KCNB2: variants seen among roughly 807,000 people sequenced by gnomAD.
KCNB2 encodes the protein potassium voltage-gated channel subfamily B member 2.
KCNB2 carries 15 observed loss-of-function variants against 61.5 expected under a neutral mutation model. That is an observed-to-expected ratio of 0.24 (90% CI 0.16 to 0.38). The LOEUF is 0.38. Ranked by LOEUF, KCNB2 falls within the 10% of genes least tolerant of loss-of-function variation. KCNB2 has a pLI of 1.00. For synonymous variants in KCNB2, 457 were observed against 446.0 expected (o/e 1.02, Z -0.31); for missense variants, 828 against 1,125.2 (o/e 0.74, Z 3.78).
chr8:72,792,811 T>C (rs1269467459), intron 2 of KCNB2, among the ~76,000 whole-genome samples: 2 of 152,236 alleles, frequency 1.3e-5, no homozygotes, highest in African/African-American at 4.8e-5. Context: ...TATCTTACCT[T>C]GATCTTTTAT....
intron 2 of KCNB2, among the ~76,000 whole-genome samples, chr8:72,677,862 T>TAGGAAA (rs1806687046): frequency 6.6e-6 from 1 of 152,188 alleles, no homozygotes; most frequent in African/African-American, 2.4e-5. Flanking sequence ...TGAATCTACA[T>TAGGAAA]TCATTCTTAA....
At chr8:72,775,404 G>C (rs796988604) in intron 2 of KCNB2, among the ~76,000 whole-genome samples, 7 of 152,334 alleles carry the variant, frequency 4.6e-5, no homozygotes, top group African/African-American at 1.7e-4. Flanking sequence ...AGCCCTGTTA[G>C]AACATCGCAG....
chr8:72,874,077 T>C (rs934914581), intron 2 of KCNB2, among the ~76,000 whole-genome samples: 1 of 152,270 alleles, frequency 6.6e-6, no homozygotes, highest in African/African-American at 2.4e-5. Flanking sequence ...ACTTACATTC[T>C]CCTGCTAGTT....
chr8:72,696,663 AG>A (rs1310550637), intron 2 of KCNB2, among the ~76,000 whole-genome samples: 1 of 152,170 alleles, frequency 6.6e-6, no homozygotes, highest in African/African-American at 2.4e-5. Flanking sequence ...AAGGATCTTC[AG>A]AAACAGCCCC....
At chr8:72,814,655 A>G (rs1809361976) in intron 2 of KCNB2, among the ~76,000 whole-genome samples, 1 of 152,226 alleles carries the variant, frequency 6.6e-6, no homozygotes, top group African/African-American at 2.4e-5. Flanking sequence ...AGACTTCATT[A>G]TTCAGATGAT....
intron 2 of KCNB2, among the ~76,000 whole-genome samples, chr8:72,621,816 C>T (rs942209602): frequency 1.3e-5 from 2 of 152,148 alleles, no homozygotes; most frequent in African/African-American, 4.8e-5. Flanking sequence ...CATGATTTCA[C>T]TATCCTTTGA....
intron 2 of KCNB2, among the ~76,000 whole-genome samples, chr8:72,577,910 G>A (rs1260881771): frequency 1.3e-5 from 2 of 152,134 alleles, no homozygotes. Context: ...ATACTGAAGG[G>A]CAGTTGTCCT....
At chr8:72,710,670 C>T (rs1313695048) in intron 2 of KCNB2, among the ~76,000 whole-genome samples, 1 of 152,166 alleles carries the variant, frequency 6.6e-6, no homozygotes, top group African/African-American at 2.4e-5. Flanking sequence ...CTACCCAGGA[C>T]TCTTCAGTAT....
chr8:72,603,812 A>T (rs796477676), intron 2 of KCNB2, among the ~76,000 whole-genome samples: 166 of 152,318 alleles, frequency 1.1e-3, no homozygotes, highest in African/African-American at 3.7e-3. Flanking sequence ...TAAGAAAAAA[A>T]TTCAGAGGCA....
intron 2 of KCNB2, among the ~76,000 whole-genome samples, chr8:72,632,967 A>G (rs1483869541): frequency 6.6e-6 from 1 of 152,172 alleles, no homozygotes; most frequent in Non-Finnish European, 1.5e-5. Context: ...AATTACCACA[A>G]ATTTAGCAGC....
intron 2 of KCNB2, among the ~76,000 whole-genome samples, chr8:72,830,735 A>G (rs56132751): frequency 0.033 from 5,087 of 152,336 alleles, 288 homozygotes; most frequent in African/African-American, 0.11. Context: ...CACCAGAACT[A>G]GTAATCAACA....
At chr8:72,686,658 G>T (rs546943079) in intron 2 of KCNB2, among the ~76,000 whole-genome samples, 1 of 152,122 alleles carries the variant, frequency 6.6e-6, no homozygotes, top group Non-Finnish European at 1.5e-5. Flanking sequence ...ATTCATCATC[G>T]AGTGTTCGGT....
chr8:72,757,644 C>CGT (rs144559623), intron 2 of KCNB2, among the ~76,000 whole-genome samples: 44 of 150,732 alleles, frequency 2.9e-4, no homozygotes, highest in African/African-American at 7.1e-4. Flanking sequence ...ATTTTATGTG[C>CGT]GTGTGTGTGT....
At chr8:72,929,241 A>T (rs930472884) in intron 2 of KCNB2, among the ~76,000 whole-genome samples, 3 of 152,140 alleles carry the variant, frequency 2.0e-5, no homozygotes, top group Non-Finnish European at 4.4e-5. Flanking sequence ...TTATCTTCAA[A>T]GGACTAAAAT....
At chr8:72,597,809 A>G (rs899561458) in intron 2 of KCNB2, among the ~76,000 whole-genome samples, 1 of 152,180 alleles carries the variant, frequency 6.6e-6, no homozygotes, top group African/African-American at 2.4e-5. Context: ...CAACCCAAAA[A>G]TGCTAAAAAA....
At chr8:72,905,170 A>G (rs1335963568) in intron 2 of KCNB2, among the ~76,000 whole-genome samples, 3 of 152,192 alleles carry the variant, frequency 2.0e-5, no homozygotes, top group Admixed American at 6.5e-5. Context: ...GCTAAGCTCG[A>G]CCTCTGAAAA....
At chr8:72,759,113 G>T (rs1240508317) in intron 2 of KCNB2, among the ~76,000 whole-genome samples, 3 of 152,090 alleles carry the variant, frequency 2.0e-5, no homozygotes, top group Non-Finnish European at 4.4e-5. Context: ...CAGAGGGTAA[G>T]GTTGAACTCC....
intron 2 of KCNB2, among the ~76,000 whole-genome samples, chr8:72,903,833 A>G (rs1328776205): frequency 2.6e-5 from 4 of 152,152 alleles, no homozygotes; most frequent in Non-Finnish European, 5.9e-5. Flanking sequence ...TAGGTTTTAG[A>G]AGGAAAAATA....
intron 2 of KCNB2, among the ~76,000 whole-genome samples, chr8:72,620,655 C>T (rs1283204404): frequency 6.6e-6 from 1 of 152,088 alleles, no homozygotes; most frequent in Non-Finnish European, 1.5e-5. Flanking sequence ...GTTGCCCAGG[C>T]TGGAGTGCAG....
Sources: allele counts gnomAD v4.1 joint callset (sites outside exome capture counted in the v4.1 genomes callset), GRCh38; gene constraint gnomAD v4.1.1; transcripts MANE v1.5; gene names NCBI Gene and HGNC (gene_info 2026-07-23, HGNC 2026-07-21).